The following CACNB2 variants were observed in gnomAD, a reference collection of about 807,000 sequenced individuals.
CACNB2 encodes the protein calcium voltage-gated channel auxiliary subunit beta 2, also known as voltage-dependent L-type calcium channel subunit beta-2.
A neutral mutation model predicts 73.3 loss-of-function variants in CACNB2; 42 were observed. The observed-to-expected ratio is 0.57, with a 90% CI of 0.45 to 0.74. The LOEUF is 0.74. Ranked by LOEUF, CACNB2 falls within the 30% of genes least tolerant of loss-of-function variation. The pLI, the probability that CACNB2 is intolerant of heterozygous loss-of-function variation, is 0.00. For missense variants in CACNB2, 940 were observed against 853.0 expected (o/e 1.10, Z -1.27); for synonymous variants, 348 against 310.3 (o/e 1.12, Z -1.28).
intron 3 of CACNB2, among the ~76,000 whole-genome samples, chr10:18,490,940 C>T (rs2049379950): frequency 6.6e-6 from 1 of 152,092 alleles, no homozygotes; most frequent in African/African-American, 2.4e-5. Context: ...TTACATTTGG[C>T]CTTGGGATCT....
At chr10:18,322,870 T>C (rs892500051) in intron 2 of CACNB2, among the ~76,000 whole-genome samples, 3 of 151,070 alleles carry the variant, frequency 2.0e-5, no homozygotes. Context: ...TCAAGAAATA[T>C]TTTTAATTTT....
chr10:18,518,376 G>T lies in CACNB2; in HGVS notation c.845G>T (p.Arg282Leu). 2 of 1,613,708 alleles carry T rather than the reference G, an allele frequency of 1.2e-6. No homozygotes were observed. The highest frequency in any genetic ancestry group is 1.7e-6 in the Non-Finnish European group (2 of 1,179,712). ...TPPYDVVPSM[R>L]PVVLVGPSLK... ...CCGTATGATGTGGTACCTTCCATGC[G>T]ACCAGTGGTCCTAGTGGGCCCTTCT... The change falls in exon 8 of 14, where the codon CGA (arginine) becomes CTA (leucine). Residue 282 changes from arginine to leucine, a missense_variant. Physicochemically the swap from Arg to Leu is moderately radical, Grantham distance 102. Transcript: ENST00000324631.
intron 1 of CACNB2, chr10:18,141,275 C>T: frequency 7.4e-7 from 1 of 1,360,294 alleles, no homozygotes; most frequent in Non-Finnish European, 1.0e-6. Context: ...GATGCCGACT[C>T]TCCTGGCCAC....
intron 3 of CACNB2, among the ~76,000 whole-genome samples, chr10:18,434,168 G>A (rs2046022070): frequency 6.6e-6 from 1 of 152,020 alleles, no homozygotes; most frequent in Non-Finnish European, 1.5e-5. Flanking sequence ...ATAGGAGTGG[G>A]GAAGAGGTTT....
At chr10:18,277,274 G>C (rs2038338290) in intron 2 of CACNB2, among the ~76,000 whole-genome samples, 1 of 152,226 alleles carries the variant, frequency 6.6e-6, no homozygotes, top group Non-Finnish European at 1.5e-5. Flanking sequence ...AGGAGGAGTG[G>C]CCTATAAAGG....
chr10:18,288,882 T>TA (rs2038925483), intron 2 of CACNB2, among the ~76,000 whole-genome samples: 1 of 152,090 alleles, frequency 6.6e-6, no homozygotes. Context: ...CTGTCTCTGC[T>TA]AAAAATACAA....
chr10:18,280,808 G>A (rs2038510356), intron 2 of CACNB2, among the ~76,000 whole-genome samples: 1 of 152,108 alleles, frequency 6.6e-6, no homozygotes, highest in African/African-American at 2.4e-5. Flanking sequence ...TTTATGTATT[G>A]ATGTATTGAT....
intron 6 of CACNB2, among the ~76,000 whole-genome samples, chr10:18,508,375 C>A (rs2050599711): frequency 6.6e-6 from 1 of 152,124 alleles, no homozygotes; most frequent in South Asian, 2.1e-4. Context: ...GCCCCTGAAT[C>A]CACAGAGGAA....
chr10:18,261,273 C>A (rs2037526229), intron 2 of CACNB2: 2 of 1,551,264 alleles, frequency 1.3e-6, no homozygotes, highest in Non-Finnish European at 1.7e-6. Flanking sequence ...CCTCTTCATG[C>A]AGTGCTGCGG....
At chr10:18,161,337 A>T (rs988730690) in intron 2 of CACNB2, among the ~76,000 whole-genome samples, 3 of 152,068 alleles carry the variant, frequency 2.0e-5, no homozygotes, top group African/African-American at 7.2e-5. Flanking sequence ...GCCAGCCTCC[A>T]TTTCTTCTTT....
At position 18,337,766 on chromosome 10, in the gene CACNB2, A is replaced by G. The variant is rs111704875; in HGVS notation, c.214-64158A>G. Among the ~76,000 whole-genome samples the G allele has an allele frequency of 6.7e-3, 1,027 of 152,298 alleles. 15 individuals carry two copies. The highest frequency in any genetic ancestry group is 0.024 in the African/African-American group (978 of 41,532). The stretch of plus-strand genomic sequence containing the variant: ...ACATGTTTTACCACCTGCATAAAAT[A>G]TATAGTATTTCTGCATATTTTCAAC... On this transcript the variant is annotated intron_variant, in intron 2 of 13. Coordinates refer to ENST00000324631, the MANE Select transcript of CACNB2 (RefSeq NM_201596.3).
chr10:18,401,901 A>G (rs756391964), intron 2 of CACNB2, 23 bp from the exon 3 acceptor site: 2 of 1,613,038 alleles, frequency 1.2e-6, no homozygotes. Context: ...AATCTACTTT[A>G]AAATGTACAT....
At chr10:18,448,063 C>T (rs974998917) in intron 3 of CACNB2, among the ~76,000 whole-genome samples, 1 of 152,158 alleles carries the variant, frequency 6.6e-6, no homozygotes, top group African/African-American at 2.4e-5. Flanking sequence ...ACAGTCACAG[C>T]TCACTGTAGC....
At chr10:18,266,074 G>A (rs2037784703) in intron 2 of CACNB2, among the ~76,000 whole-genome samples, 1 of 152,154 alleles carries the variant, frequency 6.6e-6, no homozygotes, top group Non-Finnish European at 1.5e-5. Context: ...CGTAACTTAA[G>A]CAATTCGGTA....
intron 3 of CACNB2, among the ~76,000 whole-genome samples, chr10:18,485,194 A>G (rs1253047240): frequency 1.3e-5 from 2 of 152,214 alleles, no homozygotes; most frequent in African/African-American, 4.8e-5. Context: ...TTGCCCATAT[A>G]TAAAGAATAA....
At chr10:18,170,763 C>A (rs908817422) in intron 2 of CACNB2, among the ~76,000 whole-genome samples, 2 of 152,216 alleles carry the variant, frequency 1.3e-5, no homozygotes, top group African/African-American at 4.8e-5. Context: ...GTTTTAGAAA[C>A]CAATACGTTG....
chr10:18,498,722 G>C (rs1227371624), intron 4 of CACNB2: 1 of 487,638 alleles, frequency 2.1e-6, no homozygotes, highest in Non-Finnish European at 3.7e-6. Context: ...CCAGAAATTG[G>C]GAACTGCTAG....
chr10:18,231,108 G>C (rs1416165185), intron 2 of CACNB2, among the ~76,000 whole-genome samples: 1 of 152,194 alleles, frequency 6.6e-6, no homozygotes, highest in South Asian at 2.1e-4. Flanking sequence ...AAACTAAAAA[G>C]TATTGCCCTA....
At chr10:18,228,972 C>T (rs1326759321) in intron 2 of CACNB2, among the ~76,000 whole-genome samples, 1 of 152,118 alleles carries the variant, frequency 6.6e-6, no homozygotes, top group African/African-American at 2.4e-5. Context: ...GAACTCCTGA[C>T]CTCAAGTGAT....
Sources: gnomAD v4.1 joint callset for allele counts (sites outside exome capture counted in the v4.1 genomes callset) on GRCh38, gnomAD v4.1.1 for gene constraint, MANE v1.5 for transcripts, NCBI Gene and HGNC (gene_info 2026-07-23, HGNC 2026-07-21) for gene names.